Variants in DTNA observed in about 807,000 individuals in gnomAD.
The protein encoded by DTNA is dystrobrevin alpha.
DTNA carries 43 observed loss-of-function variants against 100.7 expected under a neutral mutation model. The ratio of observed to expected loss-of-function variants is 0.43; its 90% confidence interval spans 0.33 to 0.55. DTNA has a LOEUF of 0.55. Among genes scored for constraint, DTNA ranks in the 20% least tolerant of loss-of-function variants. DTNA has a pLI of 0.04. For missense variants in DTNA, 798 were observed against 953.9 expected, an observed-to-expected ratio of 0.84 and a Z score of 2.15; for synonymous variants, 349 against 347.9, an observed-to-expected ratio of 1.00 and a Z score of -0.04.
intron 1 of DTNA, among the ~76,000 whole-genome samples, chr18:34,629,071 A>G (rs1387093749): frequency 6.6e-6 from 1 of 152,082 alleles, no homozygotes; most frequent in Non-Finnish European, 1.5e-5. Context: ...ATGAAATGGC[A>G]TATCATATAA....
chr18:34,622,323 A>T (rs1392234403), intron 1 of DTNA, among the ~76,000 whole-genome samples: 4 of 152,348 alleles, frequency 2.6e-5, no homozygotes, highest in African/African-American at 7.2e-5. Flanking sequence ...CCCTATACGT[A>T]TAACTCCGGT....
At chr18:34,658,630 G>C (rs1460453653) in intron 1 of DTNA, among the ~76,000 whole-genome samples, 1 of 152,182 alleles carries the variant, frequency 6.6e-6, no homozygotes, top group African/African-American at 2.4e-5. Context: ...TGGGATTACA[G>C]GCTTGAGCCA....
intron 1 of DTNA, among the ~76,000 whole-genome samples, chr18:34,684,479 C>T (rs1440184326): frequency 6.6e-6 from 1 of 152,022 alleles, no homozygotes; most frequent in Non-Finnish European, 1.5e-5. Context: ...GACATGAACT[C>T]GTTCTTTTTT....
chr18:34,877,935 TG>T, intron 19 of DTNA, 127 bp downstream of exon 19: 1 of 932,882 alleles, frequency 1.1e-6, no homozygotes, highest in South Asian at 1.5e-5. Flanking sequence ...TGTGATATTT[TG>T]TTGGTCTATT....
chr18:34,502,409 GATA>G (rs1278957515), intron 1 of DTNA, among the ~76,000 whole-genome samples: 2 of 152,044 alleles, frequency 1.3e-5, no homozygotes, highest in African/African-American at 2.4e-5. Flanking sequence ...CTTGGAGAAA[GATA>G]ATAATATCTT....
intron 1 of DTNA, among the ~76,000 whole-genome samples, chr18:34,671,530 A>G (rs2076756613): frequency 6.6e-6 from 1 of 152,212 alleles, no homozygotes; most frequent in African/African-American, 2.4e-5. Flanking sequence ...GCCATCTTCA[A>G]GAATGATGTT....
chr18:34,676,696 G>A (rs369128302), intron 1 of DTNA, among the ~76,000 whole-genome samples: 52 of 152,152 alleles, frequency 3.4e-4, no homozygotes, highest in Middle Eastern at 6.8e-3. Context: ...TTAGCTGAGC[G>A]TGGTGCTGAG....
chr18:34,594,161 A>G (rs2050113294), intron 1 of DTNA, among the ~76,000 whole-genome samples: 1 of 152,070 alleles, frequency 6.6e-6, no homozygotes, highest in South Asian at 2.1e-4. Flanking sequence ...AAAAAGCTGA[A>G]ATTTGCTAAG....
At chr18:34,699,865 C>CA (rs58134205) in intron 1 of DTNA, among the ~76,000 whole-genome samples, 7,950 of 151,136 alleles carry the variant, frequency 0.053, 646 homozygotes, top group African/African-American at 0.17. Flanking sequence ...CAAAACAAAA[C>CA]AAAAAAAAAC....
chr18:34,785,212 C>T lies in DTNA; in HGVS notation c.149-8825C>T, dbSNP rs138906781. Among the ~76,000 whole-genome samples the T allele has an allele frequency of 2.7e-4, 41 of 152,180 alleles. No individual in the cohort carries two copies. In the East Asian group the frequency reaches 5.8e-3, roughly 21 times the overall value. ...ATAGGCGTGAGCCACCACACCGGCC[C>T]CTGAAATATTTGATTTGAAATTGAA... On this transcript the variant is annotated intron_variant, in intron 3 of 22. Coordinates refer to ENST00000444659, the MANE Select transcript of DTNA (RefSeq NM_001386795.1).
chr18:34,596,512 C>T (rs1341545024), intron 1 of DTNA, among the ~76,000 whole-genome samples: 3 of 152,158 alleles, frequency 2.0e-5, no homozygotes, highest in African/African-American at 7.2e-5. Flanking sequence ...AGCTACCATG[C>T]CCAGCCTCTT....
chr18:34,642,061 A>G (rs748390437), intron 1 of DTNA, among the ~76,000 whole-genome samples: 37 of 152,194 alleles, frequency 2.4e-4, no homozygotes, highest in Non-Finnish European at 4.3e-4. Context: ...CTTTCAATTA[A>G]TATACATTGA....
At chr18:34,867,495 A>G in intron 17 of DTNA, 1 of 1,200,286 alleles carries the variant, frequency 8.3e-7, no homozygotes, top group Non-Finnish European at 1.0e-6. Context: ...ATACACTTAG[A>G]TCATGGTAAA....
intron 16 of DTNA, among the ~76,000 whole-genome samples, chr18:34,860,554 C>G (rs994294438): frequency 2.0e-5 from 3 of 152,098 alleles, no homozygotes; most frequent in Non-Finnish European, 2.9e-5. Flanking sequence ...TGGATTTTAC[C>G]AAGTTCCTGT....
upstream of DTNA, chr18:34,710,201 G>C (rs2082635134): frequency 6.6e-6 from 1 of 152,098 alleles, no homozygotes; most frequent in Non-Finnish European, 1.5e-5. Context: ...GCAACTTTTT[G>C]TCAGTCTTTT....
chr18:34,494,063 C>G (rs1424941018), intron 1 of DTNA: 1 of 151,464 alleles, frequency 6.6e-6, no homozygotes, highest in African/African-American at 2.4e-5. Context: ...AGCGCCGCAG[C>G]CCCTGCTGCT....
intron 1 of DTNA, among the ~76,000 whole-genome samples, chr18:34,641,802 G>A (rs1026086711): frequency 1.3e-5 from 2 of 152,192 alleles, no homozygotes; most frequent in Admixed American, 1.3e-4. Context: ...TTGGAGTTGA[G>A]TGGTGGAGAG....
At chr18:34,828,787 A>T (rs2095923412) in intron 10 of DTNA, among the ~76,000 whole-genome samples, 1 of 152,214 alleles carries the variant, frequency 6.6e-6, no homozygotes, top group Non-Finnish European at 1.5e-5. Flanking sequence ...ACAGTAAAAT[A>T]ATATGGTTTA....
intron 1 of DTNA, among the ~76,000 whole-genome samples, chr18:34,572,508 T>C (rs1482831722): frequency 6.6e-6 from 1 of 151,146 alleles, no homozygotes; most frequent in Non-Finnish European, 1.5e-5. Flanking sequence ...AAAAAATACA[T>C]TTATAGAGAT....
Sources: gnomAD v4.1 joint callset for allele counts (sites outside exome capture counted in the v4.1 genomes callset) on GRCh38, gnomAD v4.1.1 for gene constraint, MANE v1.5 for transcripts, NCBI Gene and HGNC (gene_info 2026-07-23, HGNC 2026-07-21) for gene names.